The following TRIM10 variants were observed in gnomAD, a reference collection of about 807,000 sequenced individuals.
The protein encoded by TRIM10 is tripartite motif-containing protein 10.
TRIM10 carries 42 observed loss-of-function variants against 40.0 expected under a neutral mutation model. The ratio of observed to expected loss-of-function variants is 1.05; its 90% CI spans 0.82 to 1.36. The LOEUF is 1.36. Among genes scored for constraint, TRIM10 ranks in the 40% most tolerant of loss-of-function variants. The pLI, the probability that TRIM10 is intolerant of heterozygous loss-of-function variation, is 0.00. For missense variants in TRIM10, 601 were observed against 608.3 expected, an observed-to-expected ratio of 0.99 and a Z score of 0.13; for synonymous variants, 260 against 239.5, an observed-to-expected ratio of 1.09 and a Z score of -0.79.
At chr6:30,157,642 T>A (rs1298156511) in intron 3 of TRIM10, among the ~76,000 whole-genome samples, 3 of 146,602 alleles carry the variant, frequency 2.0e-5, no homozygotes, top group Non-Finnish European at 3.0e-5. Context: ...TTTGTCACCA[T>A]GCCTGGCTAA....
chr6:30,159,003 G>A lies in TRIM10; in HGVS notation c.525+147C>T, dbSNP rs1030702901. The A allele has an allele frequency of 3.5e-5, 22 of 628,026 alleles. 1 individual carries two copies. The highest frequency in any genetic ancestry group is 1.5e-4 in the African/African-American group (8 of 54,140). The allele number at this position is 628,026 out of a possible 1,614,324, so 38.9% of individuals were successfully genotyped here. ...TACAGATAAGTAAACTGAAGTTGGA[G>A]AGTTGCTTGAGGTCATAGAGTTAGT... On this transcript the variant is annotated intron_variant, in intron 2 of 6. Transcript: ENST00000449742.
intron 1 of TRIM10, among the ~76,000 whole-genome samples, chr6:30,159,557 A>G (rs1248658141): frequency 6.6e-6 from 1 of 152,122 alleles, no homozygotes; most frequent in Non-Finnish European, 1.5e-5. Context: ...GGTAAGTGGT[A>G]TCTGGGGTCT....
chr6:30,158,099 A>G (rs1307925664), intron 3 of TRIM10, among the ~76,000 whole-genome samples: 1 of 152,176 alleles, frequency 6.6e-6, no homozygotes. Flanking sequence ...TACTTTTTCA[A>G]AGTGCTACTT....
Position 30,154,024 on chromosome 6 carries a change from A to G in TRIM10, c.1391T>C (p.Val464Ala). The G allele has an allele frequency of 6.2e-7, 1 of 1,610,798 alleles. No homozygotes were observed. Residue 464 changes from valine to alanine, a missense_variant, in exon 7 of 7, where the codon GTC becomes GCC. Val to Ala is a moderately conservative substitution (Grantham distance 64, BLOSUM62 0). Coordinates refer to ENST00000449742, the MANE Select transcript of TRIM10 (RefSeq NM_006778.4). ...YTFTASFTRK[V>A]IPFFGLWGRG... ...GCCCCAGAGCCCAAAGAAGGGAATG[A>G]CCTTCCTAGTGAAGGAGGCAGTGAA...
chr6:30,153,465 G>T lies in TRIM10; in HGVS notation c.*504C>A, dbSNP rs938509278. On this transcript the variant is annotated 3_prime_UTR_variant, in exon 7 of 7. Transcript: ENST00000449742. Reference sequence around the variant, plus strand: ...AAGAGCTCTTTCAGATATAGAGCAGGTTTTTTTTTTCTCTATATTTTCAAG... The same window carrying T: ...AAGAGCTCTTTCAGATATAGAGCAGTTTTTTTTTTTCTCTATATTTTCAAG... The T allele has an allele frequency of 2.0e-6, 1 of 508,156 alleles. No individual in the cohort carries two copies. The highest frequency in any genetic ancestry group is 3.5e-6 in the Non-Finnish European group (1 of 283,842). 31.5% of individuals were successfully genotyped at this position (508,156 alleles called of 1,614,324 possible). A position where few individuals can be genotyped will look rare whatever the true frequency, so the allele number is the denominator to read the frequency against.
chr6:30,158,588 G>A lies in TRIM10; in HGVS notation c.567C>T (p.Phe189=), dbSNP rs751423482. The A allele has an allele frequency of 3.8e-5, 61 of 1,612,876 alleles. No homozygotes were observed. The highest frequency in any genetic ancestry group is 4.7e-5 in the Non-Finnish European group (56 of 1,180,036). ...CCTCTAGAAACTTCCTCAGGTGTGC[G>A]AACTCAGAAATCACCTGTTGTCTCT... is the stretch of plus-strand genomic sequence containing the variant. The part of the protein sequence containing the change: ...STKRQQVISE[F]AHLRKFLEEQ... Residue 189 remains phenylalanine (F), a synonymous_variant, in exon 3 of 7, where the codon TTC becomes TTT. Coordinates refer to ENST00000449742, the MANE Select transcript of TRIM10 (RefSeq NM_006778.4).
In TRIM10 at chr6:30,152,079, C is replaced by T. The variant is rs2127432739; in HGVS notation, c.*1890G>A. ...ATAAATTGTATTTCTGAATCCAAGTCACCTGTGGGGGTGTAGCCAGCATTA... is the reference window on the plus strand; with the variant it reads ...ATAAATTGTATTTCTGAATCCAAGTTACCTGTGGGGGTGTAGCCAGCATTA... On this transcript the variant is annotated 3_prime_UTR_variant, in exon 7 of 7. Coordinates refer to ENST00000449742, the MANE Select transcript of TRIM10 (RefSeq NM_006778.4). 6.6e-6 allele frequency: 1 copy of T among 152,240 alleles called. No individual in the cohort carries two copies. 9.4% of individuals were successfully genotyped at this position (152,240 alleles called of 1,614,324 possible). A position where few individuals can be genotyped will look rare whatever the true frequency, so the allele number is the denominator to read the frequency against.
At chr6:30,158,666 C>T in intron 2 of TRIM10, 37 bp from the exon 3 acceptor site, 3 of 1,542,616 alleles carry the variant, frequency 1.9e-6, no homozygotes, top group Non-Finnish European at 1.8e-6. Context: ...AGAAAGTTTG[C>T]TTCCTCCTTC....
intron 3 of TRIM10, 98 bp from the exon 4 acceptor site, chr6:30,157,489 C>A: frequency 7.5e-7 from 1 of 1,324,946 alleles, no homozygotes; most frequent in Non-Finnish European, 1.0e-6. Context: ...TTTTTATTTG[C>A]TTGTTTGTTT....
upstream of TRIM10, among the ~76,000 whole-genome samples, chr6:30,162,397 C>T (rs1010269811): frequency 6.7e-6 from 1 of 149,706 alleles, no homozygotes; most frequent in Non-Finnish European, 1.5e-5. Flanking sequence ...GCTCAGTAGA[C>T]ACATGTGGCT....
chr6:30,156,746 C>T (rs996956799), intron 5 of TRIM10, 193 bp downstream of exon 5: 1 of 692,528 alleles, frequency 1.4e-6, no homozygotes, highest in Non-Finnish European at 2.6e-6. Context: ...AAATATTCAC[C>T]TTTATTCTCT....
At chr6:30,157,100 A>G (rs559647498) in intron 4 of TRIM10, 46 bp from the exon 5 acceptor site, 57 of 1,572,764 alleles carry the variant, frequency 3.6e-5, no homozygotes, top group Non-Finnish European at 4.7e-5. Context: ...CATCCTTAAT[A>G]ATGTCTCCAG....
chr6:30,154,235 G>A lies in TRIM10; in HGVS notation c.1180C>T (p.Leu394Phe). 1 of 1,612,920 alleles carries A rather than the reference G, an allele frequency of 6.2e-7. No individual in the cohort carries two copies. The highest frequency in any genetic ancestry group is 8.5e-7 in the Non-Finnish European group (1 of 1,179,970). Residue 394 changes from leucine to phenylalanine, a missense_variant, in exon 7 of 7, where the codon CTT becomes TTT. Transcript: ENST00000449742. ...ACCCCCTCCTCTGGCCGCAGCCGAAGCTCCCCCTTCCGCTGCACATCCTCG... is the reference window on the plus strand; with the variant it reads ...ACCCCCTCCTCTGGCCGCAGCCGAAACTCCCCCTTCCGCTGCACATCCTCG... ...VSEDVQRKGE[L>F]RLRPEEGVWA...
In TRIM10 at chr6:30,153,969, T is replaced by C. The variant is rs1373010720; in HGVS notation, c.1446A>G (p.Ter482TrpextTer34). 1 of 1,595,064 alleles carries C rather than the reference T, an allele frequency of 6.3e-7. No individual in the cohort carries two copies. Among genetic ancestry groups the C allele is most frequent in the South Asian group, 1.1e-5 (1 of 89,514 alleles). Residue 482 changes from the stop codon to tryptophan, a stop_lost, in exon 7 of 7, where the codon TGA (stop) becomes TGG (tryptophan). Transcript: ENST00000449742. ...GRGSSFSLSS[*>W] is the part of the protein sequence containing the mutation. The stretch of plus-strand genomic sequence containing the variant: ...GAGGAGAGTAGGTAACTGCTCCTTC[T>C]CAGGAGCTCAGGGAGAAACTGGACC...
chr6:30,158,759 G>A (rs148067817), intron 2 of TRIM10, 130 bp from the exon 3 acceptor site: 152 of 769,528 alleles, frequency 2.0e-4, no homozygotes, highest in Middle Eastern at 1.8e-3. Context: ...ATCCCATTTC[G>A]AGAAGCAAGA....
chr6:30,154,955 C>T (rs1251367172), intron 6 of TRIM10, among the ~76,000 whole-genome samples: 1 of 152,160 alleles, frequency 6.6e-6, no homozygotes, highest in African/African-American at 2.4e-5. Flanking sequence ...ACTGGTGACT[C>T]ATTTACAGTC....
At chr6:30,163,739 T>C (rs1169903990), upstream of TRIM10, 7 of 1,612,880 alleles carry the variant, frequency 4.3e-6, no homozygotes, top group Non-Finnish European at 5.9e-6. Flanking sequence ...CTGTACCCTC[T>C]GTGCGGGGCC....
At chr6:30,161,476 G>C (rs1773086308), upstream of TRIM10, among the ~76,000 whole-genome samples, 1 of 152,210 alleles carries the variant, frequency 6.6e-6, no homozygotes, top group Non-Finnish European at 1.5e-5. Flanking sequence ...TGATGGGGAG[G>C]AGAAAGAAAA....
rs1465550608 is a variant in TRIM10 at position 30,152,473 on chromosome 6, G to C, written c.*1496C>G. 6.6e-6 allele frequency: 1 copy of C among 152,168 alleles called. No homozygotes were observed. The highest frequency in any genetic ancestry group is 1.5e-5 in the Non-Finnish European group (1 of 68,046). The allele number at this position is 152,168 out of a possible 1,614,324, so 9.4% of individuals were successfully genotyped here. On this transcript the variant is annotated 3_prime_UTR_variant, in exon 7 of 7. Transcript: ENST00000449742. ...TTTAATGAGATACTGCACACTCCCA[G>C]GGAAAGCAATTCAATCTCTAATCCC...
Sources: allele counts gnomAD v4.1 joint callset (sites outside exome capture counted in the v4.1 genomes callset), GRCh38; gene constraint gnomAD v4.1.1; transcripts MANE v1.5; gene names NCBI Gene and HGNC (gene_info 2026-07-23, HGNC 2026-07-21).